KMT2E: variants seen among roughly 807,000 people sequenced by gnomAD.
KMT2E encodes lysine methyltransferase 2E (inactive).
In KMT2E, 30 loss-of-function variants were observed where a neutral mutation model predicts 184.6. That is an observed-to-expected ratio of 0.16 (90% CI 0.12 to 0.22). The LOEUF (loss-of-function observed/expected upper bound fraction) is 0.22, where lower values mean the gene tolerates loss of function less well. Among genes scored for constraint, KMT2E ranks in the 10% least tolerant of loss-of-function variants. The pLI, the probability that KMT2E is intolerant of heterozygous loss-of-function variation, is 1.00. For missense variants in KMT2E, 2,023 were observed against 2,237.4 expected (o/e 0.90, Z 1.93); for synonymous variants, 815 against 776.5 (o/e 1.05, Z -0.82).
At chr7:105,022,492 C>T (rs1449252329) in intron 1 of KMT2E, among the ~76,000 whole-genome samples, 1 of 151,360 alleles carries the variant, frequency 6.6e-6, no homozygotes, top group African/African-American at 2.4e-5. Context: ...TGTTTGTTTG[C>T]CCTTTACTAT....
intron 1 of KMT2E, 41 bp from the exon 2 acceptor site, chr7:105,038,085 T>A (rs1257083294): frequency 6.6e-6 from 1 of 152,204 alleles, no homozygotes; most frequent in Non-Finnish European, 1.5e-5. Context: ...TTTATGCCAT[T>A]TAAAAATAGC....
At chr7:105,067,127 G>A (rs943150057) in intron 6 of KMT2E, among the ~76,000 whole-genome samples, 15 of 147,802 alleles carry the variant, frequency 1.0e-4, no homozygotes, top group African/African-American at 3.2e-4. Flanking sequence ...GTGTTTCATC[G>A]ATTCTAACAT....
At chr7:105,027,286 A>G (rs1795213396) in intron 1 of KMT2E, among the ~76,000 whole-genome samples, 1 of 151,774 alleles carries the variant, frequency 6.6e-6, no homozygotes. Flanking sequence ...ATAGGGTCTC[A>G]CTAAACAGCC....
chr7:105,023,923 C>T (rs945386248), intron 1 of KMT2E, among the ~76,000 whole-genome samples: 2 of 151,926 alleles, frequency 1.3e-5, no homozygotes, highest in African/African-American at 4.8e-5. Flanking sequence ...TATATGGTTT[C>T]TAGAACTTTG....
chr7:105,054,498 ATCT>A, intron 3 of KMT2E, among the ~76,000 whole-genome samples: 1 of 148,560 alleles, frequency 6.7e-6, no homozygotes, highest in Non-Finnish European at 1.5e-5. Flanking sequence ...CTATCTATCT[ATCT>A]ATCTATCTAT....
At chr7:105,098,628 CTT>C (rs1403494430) in intron 15 of KMT2E, among the ~76,000 whole-genome samples, 2 of 152,058 alleles carry the variant, frequency 1.3e-5, no homozygotes, top group African/African-American at 4.8e-5. Flanking sequence ...GTCTTGATCT[CTT>C]GACCTCATGA....
Position 105,041,650 on chromosome 7 carries a change from C to T in KMT2E, c.71+627C>T, listed in dbSNP as rs568022350. ...TCCTGACCTCGTGATCCACTCTCCT[C>T]GGACTCCCAAAGTGTTGGGATTACA... On this transcript the variant is annotated intron_variant, in intron 3 of 26. Transcript: ENST00000311117. Among the ~76,000 whole-genome samples, 11 of 152,298 alleles carry T rather than the reference C, an allele frequency of 7.2e-5. No homozygotes were observed. In the East Asian group the frequency reaches 1.4e-3, roughly 19 times the overall value.
chr7:105,069,828 A>G (rs1225130121), intron 6 of KMT2E, among the ~76,000 whole-genome samples: 1 of 152,008 alleles, frequency 6.6e-6, no homozygotes, highest in Non-Finnish European at 1.5e-5. Context: ...CCCACCTTCT[A>G]CCCCTGAACT....
In KMT2E at chr7:105,077,419, G is replaced by C. The variant is rs373130935; in HGVS notation, c.1116G>C (p.Gly372=). 2 of 1,605,886 alleles carry C rather than the reference G, an allele frequency of 1.2e-6. No individual in the cohort carries two copies. The highest frequency in any genetic ancestry group is 1.7e-6 in the Non-Finnish European group (2 of 1,175,066). The part of the protein sequence containing the change: ...FMLREQFEAN[G]YFFKRPYPFV... ...TGAGAGAACAGTTTGAAGCAAATGG[G>C]TATTTCTTTAAAAGGTATATTCATT... Residue 372 remains glycine (G), a synonymous_variant, in exon 11 of 27, where the codon GGG becomes GGC. Coordinates refer to ENST00000311117, the MANE Select transcript of KMT2E (RefSeq NM_182931.3).
chr7:105,023,144 T>C (rs1474151123), intron 1 of KMT2E, among the ~76,000 whole-genome samples: 1 of 152,132 alleles, frequency 6.6e-6, no homozygotes, highest in African/African-American at 2.4e-5. Flanking sequence ...TATGATTTGC[T>C]AATGCCAGCA....
At chr7:105,053,069 G>A (rs1476213986) in intron 3 of KMT2E, among the ~76,000 whole-genome samples, 2 of 152,140 alleles carry the variant, frequency 1.3e-5, no homozygotes, top group African/African-American at 2.4e-5. Context: ...ATAATTGAAT[G>A]AAAAGTCCCT....
Position 105,107,197 on chromosome 7 carries a change from T to C in KMT2E, c.2879T>C (p.Ile960Thr). The C allele has an allele frequency of 6.4e-7, 1 of 1,555,858 alleles. No homozygotes were observed. Among genetic ancestry groups the C allele is most frequent in the Non-Finnish European group, 8.7e-7 (1 of 1,144,694 alleles). Residue 960 changes from isoleucine (I) to threonine (T), a missense_variant, in exon 21 of 27, where the codon ATA becomes ACA. Ile to Thr is a moderately conservative substitution (Grantham distance 89, BLOSUM62 -1). Transcript: ENST00000311117. ...NISSPESSPE[I>T]KRRTYSQEGY... The stretch of plus-strand genomic sequence containing the variant: ...TCTTCCCCAGAAAGTTCTCCAGAAA[T>C]AAAGAGACGCACTTATAGTCAAGAG...
intron 2 of KMT2E, among the ~76,000 whole-genome samples, chr7:105,038,723 G>A (rs1455217134): frequency 1.3e-5 from 2 of 151,788 alleles, no homozygotes; most frequent in African/African-American, 4.8e-5. Context: ...TTGCTACATT[G>A]GCTTTCCCTT....
chr7:105,018,904 C>T (rs1044592617), intron 1 of KMT2E, among the ~76,000 whole-genome samples: 1 of 152,008 alleles, frequency 6.6e-6, no homozygotes, highest in Admixed American at 6.5e-5. Context: ...TGGTATTTAA[C>T]TAAAAATCTT....
chr7:105,091,845 A>G (rs1798219064), intron 15 of KMT2E, among the ~76,000 whole-genome samples: 1 of 152,190 alleles, frequency 6.6e-6, no homozygotes, highest in African/African-American at 2.4e-5. Context: ...TTTTATCTGT[A>G]TAAAAATTAG....
chr7:105,074,797 C>G lies in KMT2E; in HGVS notation c.711C>G (p.His237Gln). Residue 237 changes from histidine to glutamine, a missense_variant, in exon 8 of 27, where the codon CAC becomes CAG. This residue lies in a region of KMT2E where 191 missense variants were observed against 209.0 expected (regional missense o/e 0.91). Coordinates refer to ENST00000311117, the MANE Select transcript of KMT2E (RefSeq NM_182931.3). ...RRKKSGEKEQ[H>Q]ISKCKKAFRE... Reference sequence around the variant, plus strand: ...AAAAAAGCGGGGAGAAAGAACAACACATTTCAAAATGTAAAAAGGTACGTT... The same window carrying G: ...AAAAAAGCGGGGAGAAAGAACAACAGATTTCAAAATGTAAAAAGGTACGTT... 3 of 1,604,306 alleles carry G rather than the reference C, an allele frequency of 1.9e-6. No homozygotes were observed. The highest frequency in any genetic ancestry group is 2.5e-6 in the Non-Finnish European group (3 of 1,176,516).
intron 3 of KMT2E, 113 bp from the exon 4 acceptor site, chr7:105,062,051 T>C (rs1049624442): frequency 2.8e-6 from 2 of 705,174 alleles, no homozygotes; most frequent in Middle Eastern, 2.5e-4. Flanking sequence ...TGTAAGTAGA[T>C]ACTGTATTTG....
At chr7:105,017,030 ATTTGTATTTTG>A (rs988116575) in intron 1 of KMT2E, among the ~76,000 whole-genome samples, 8 of 152,166 alleles carry the variant, frequency 5.3e-5, no homozygotes, top group Non-Finnish European at 1.0e-4. Flanking sequence ...GTCAGTACTC[ATTTGTATTTTG>A]ATCTGAGCAA....
At chr7:105,035,293 A>G (rs537577994) in intron 1 of KMT2E, among the ~76,000 whole-genome samples, 1 of 151,792 alleles carries the variant, frequency 6.6e-6, no homozygotes, top group East Asian at 1.9e-4. Flanking sequence ...TGGCCTCCCA[A>G]AGTGCTGGGA....
Sources: allele counts gnomAD v4.1 joint callset (sites outside exome capture counted in the v4.1 genomes callset), GRCh38; gene constraint gnomAD v4.1.1; regional missense constraint gnomAD v4.1.1; transcripts MANE v1.5; gene names NCBI Gene and HGNC (gene_info 2026-07-23, HGNC 2026-07-21).